Variants in ACO2 observed in about 807,000 individuals in gnomAD.
ACO2 encodes the protein aconitase 2, also known as aconitate hydratase, mitochondrial.
ACO2 carries 31 observed loss-of-function variants against 84.5 expected under a neutral mutation model. The ratio of observed to expected loss-of-function variants is 0.37; its 90% confidence interval spans 0.28 to 0.50. The LOEUF is 0.50. Ranked by LOEUF, ACO2 falls within the 20% of genes least tolerant of loss-of-function variation. The probability of loss-of-function intolerance (pLI) is 0.97; values close to 1 mark genes in which losing one functional copy is unlikely to be tolerated. For missense variants in ACO2, 685 were observed against 1,029.3 expected (o/e 0.67, Z 4.58); for synonymous variants, 414 against 412.7 (o/e 1.00, Z -0.04).
At chr22:41,493,349 G>T (rs1001790040) in intron 1 of ACO2, among the ~76,000 whole-genome samples, 29 of 151,670 alleles carry the variant, frequency 1.9e-4, no homozygotes, top group African/African-American at 7.0e-4. Context: ...CATGTGTAGA[G>T]AATGAAATTA....
At chr22:41,525,499 T>C in intron 14 of ACO2, 151 bp downstream of exon 14, 1 of 1,010,966 alleles carries the variant, frequency 9.9e-7, no homozygotes, top group Non-Finnish European at 1.4e-6. Context: ...GCAGAGAGGG[T>C]ATCGCAACGC....
chr22:41,523,931 C>G lies in ACO2; in HGVS notation c.1472C>G (p.Thr491Arg). ...AACCCCGAGACCCATGCCTTTGTCA[C>G]GTCCCCAGAGGTGAGACTGCCCAGC... is the stretch of plus-strand genomic sequence containing the variant. ...DANPETHAFV[T>R]SPEIVTALAI... Residue 491 changes from threonine (T) to arginine (R), a missense_variant, in exon 12 of 18, where the codon ACG (threonine) becomes AGG (arginine). Physicochemically the swap from Thr to Arg is moderately conservative, Grantham distance 71. Around this residue, in one of 5 missense-constraint regions of ACO2, gnomAD observed 311 missense variants for 441.6 expected, o/e 0.70. Transcript: ENST00000216254. The G allele has an allele frequency of 6.2e-7, 1 of 1,613,238 alleles. No individual in the cohort carries two copies. The highest frequency in any genetic ancestry group is 8.5e-7 in the Non-Finnish European group (1 of 1,179,926).
Position 41,515,782 on chromosome 22 carries a change from C to T in ACO2, c.700C>T (p.Leu234=). The T allele has an allele frequency of 1.2e-6, 2 of 1,613,706 alleles. No homozygotes were observed. The highest frequency in any genetic ancestry group is 4.5e-5 in the East Asian group (2 of 44,882). Residue 234 remains leucine, a synonymous_variant, in exon 6 of 18, where the codon CTG becomes TTG. Transcript: ENST00000216254. This position sits in a 1 kb window ranked among gnomAD's most constrained non-coding sequence, Gnocchi z 5.8. ...TCCTGTCCAGGTGATTGGCGTGAAG[C>T]TGACGGGCTCTCTCTCCGGTTGGTC... ...LKCPKVIGVK[L]TGSLSGWSSP... is the part of the protein sequence containing the mutation.
intron 2 of ACO2, among the ~76,000 whole-genome samples, chr22:41,504,029 C>T (rs561517560): frequency 8.7e-4 from 132 of 152,154 alleles, no homozygotes; most frequent in Non-Finnish European, 1.8e-3. Flanking sequence ...GCCTGGCCAA[C>T]ATGGTGAAAC....
intron 9 of ACO2, among the ~76,000 whole-genome samples, chr22:41,520,562 G>A (rs1176487235): frequency 1.3e-5 from 2 of 151,942 alleles, no homozygotes; most frequent in Non-Finnish European, 2.9e-5. Flanking sequence ...GCAAAAATTG[G>A]CCAGGGGCAG....
In ACO2 at chr22:41,512,301, TG is replaced by T. The variant is rs1195276792; in HGVS notation, c.525+334del. 1.3e-5 allele frequency: 3 copies of T among 237,354 alleles called. No homozygotes were observed. In the Admixed American group the frequency reaches 1.7e-4, roughly 14 times the overall value. The allele number at this position is 237,354 out of a possible 1,614,324, so 14.7% of individuals were successfully genotyped here. On this transcript the variant is annotated intron_variant, in intron 4 of 17. Coordinates refer to ENST00000216254, the MANE Select transcript of ACO2 (RefSeq NM_001098.3). ...TCTCATACAGAACATGGTATTATTT[TG>T]TTTTTTTTCACAAGTGTCACCCCTT...
intron 1 of ACO2, among the ~76,000 whole-genome samples, chr22:41,498,985 T>G (rs1324619175): frequency 6.7e-6 from 1 of 149,544 alleles, no homozygotes; most frequent in African/African-American, 2.5e-5. Flanking sequence ...TCCCAGCTAC[T>G]GGGAAGCTGA....
At chr22:41,517,704 C>T (rs1033990433) in intron 7 of ACO2, 73 bp downstream of exon 7, 2 of 1,375,080 alleles carry the variant, frequency 1.5e-6, no homozygotes, top group Non-Finnish European at 2.1e-6. Context: ...AGAGCTATGC[C>T]TTTCCCTGTA....
At chr22:41,488,049 A>G (rs542581521) in intron 1 of ACO2, among the ~76,000 whole-genome samples, 1 of 152,270 alleles carries the variant, frequency 6.6e-6, no homozygotes, top group African/African-American at 2.4e-5. Flanking sequence ...AATCTTGCCT[A>G]CTTTTGCGCT....
intron 1 of ACO2, among the ~76,000 whole-genome samples, chr22:41,482,066 C>A (rs1217118276): frequency 1.3e-5 from 2 of 152,216 alleles, no homozygotes; most frequent in African/African-American, 2.4e-5. Context: ...TCTTGCCTAG[C>A]CGTGTGGTGC....
intron 1 of ACO2, among the ~76,000 whole-genome samples, chr22:41,493,654 T>A (rs1317373671): frequency 6.6e-6 from 1 of 152,192 alleles, no homozygotes; most frequent in Non-Finnish European, 1.5e-5. Context: ...AGAAATTCCA[T>A]TCCTTGGCTG....
At chr22:41,520,135 CCT>C (rs746520152) in intron 8 of ACO2, 34 bp from the exon 9 acceptor site, 7 of 1,573,622 alleles carry the variant, frequency 4.4e-6, no homozygotes, top group East Asian at 2.3e-5. Context: ...TTTCTTCCCT[CCT>C]CTCTTTCTTC....
chr22:41,526,956 G>A, intron 15 of ACO2: 1 of 425,912 alleles, frequency 2.3e-6, no homozygotes, highest in Non-Finnish European at 4.2e-6. Flanking sequence ...GAGCTTCACA[G>A]ATGCATCTTG....
chr22:41,518,692 G>T, intron 8 of ACO2, 120 bp downstream of exon 8: 1 of 772,268 alleles, frequency 1.3e-6, no homozygotes, highest in African/African-American at 1.7e-5. Context: ...CCAGCACTTT[G>T]GGAGGCCAAG....
intron 12 of ACO2, 137 bp downstream of exon 12, chr22:41,524,078 CGCATGCTTGGT>C: frequency 1.4e-6 from 1 of 712,944 alleles, no homozygotes; most frequent in Non-Finnish European, 2.4e-6. Context: ...CAGCCTCAGG[CGCATGCTTGGT>C]GCTTCCTGCC....
chr22:41,478,526 A>G (rs1258377071), intron 1 of ACO2, among the ~76,000 whole-genome samples: 1 of 152,154 alleles, frequency 6.6e-6, no homozygotes, highest in Non-Finnish European at 1.5e-5. Context: ...TTAATTCTCT[A>G]AGGACAACAT....
At chr22:41,503,888 G>GA (rs2066372165) in intron 2 of ACO2, among the ~76,000 whole-genome samples, 1 of 152,184 alleles carries the variant, frequency 6.6e-6, no homozygotes, top group Non-Finnish European at 1.5e-5. Context: ...CTGACACGGA[G>GA]AAAGAGGGCA....
At chr22:41,493,358 T>TA (rs943807408) in intron 1 of ACO2, among the ~76,000 whole-genome samples, 10 of 149,396 alleles carry the variant, frequency 6.7e-5, no homozygotes, top group South Asian at 4.2e-4. Flanking sequence ...AGAATGAAAT[T>TA]AAAAAAAAAA....
chr22:41,517,740 T>G, intron 7 of ACO2, 109 bp downstream of exon 7: 2 of 954,704 alleles, frequency 2.1e-6, no homozygotes, highest in South Asian at 1.4e-5. Flanking sequence ...ACCCATTGTC[T>G]CCAGACAGGC....
Sources: gnomAD v4.1 joint callset for allele counts (sites outside exome capture counted in the v4.1 genomes callset) on GRCh38, gnomAD v4.1.1 for gene constraint, gnomAD v4.1.1 regional missense constraint, Gnocchi (gnomAD v3.1) non-coding constraint, MANE v1.5 for transcripts, NCBI Gene and HGNC (gene_info 2026-07-23, HGNC 2026-07-21) for gene names.